The following NTM variants were observed in gnomAD, a reference collection of about 807,000 sequenced individuals.
NTM encodes the protein IgLON family member 2.
NTM carries 13 observed loss-of-function variants against 42.1 expected under a neutral mutation model. The observed-to-expected ratio is 0.31, with a 90% confidence interval of 0.20 to 0.49. NTM has a LOEUF of 0.49. NTM is among the 20% of genes least tolerant of loss of function. The pLI is 0.99. For missense variants in NTM, 373 were observed against 452.8 expected (o/e 0.82, Z 1.60); for synonymous variants, 187 against 179.2 (o/e 1.04, Z -0.35).
intron 1 of NTM, among the ~76,000 whole-genome samples, chr11:131,672,699 T>C (rs967493988): frequency 1.1e-4 from 16 of 152,208 alleles, no homozygotes; most frequent in African/African-American, 3.6e-4. Context: ...CTTAGGTATT[T>C]AGTACTCCTG....
chr11:131,622,592 G>C (rs1277130723), intron 1 of NTM, among the ~76,000 whole-genome samples: 1 of 152,170 alleles, frequency 6.6e-6, no homozygotes, highest in African/African-American at 2.4e-5. Context: ...TGTACACACA[G>C]AATATAAATT....
intron 2 of NTM, among the ~76,000 whole-genome samples, chr11:132,111,382 A>G (rs1321317264): frequency 6.6e-6 from 1 of 152,192 alleles, no homozygotes; most frequent in Non-Finnish European, 1.5e-5. Context: ...AAACAAAAAC[A>G]AAACAAGCCT....
At chr11:132,230,257 A>G (rs878518) in intron 4 of NTM, among the ~76,000 whole-genome samples, 72,885 of 151,816 alleles carry the variant, frequency 0.48, 17,834 homozygotes, top group Middle Eastern at 0.58. Flanking sequence ...AGCAGCAAAG[A>G]CTTCTCATTT....
rs1045578150 is a variant in NTM, at chr11:132,227,492, T to A, written c.526+15345T>A. Among the ~76,000 whole-genome samples, 131 of 152,028 alleles carry A rather than the reference T, an allele frequency of 8.6e-4. 1 individual carries two copies. Among genetic ancestry groups the A allele is most frequent in the African/African-American group, 3.1e-3 (127 of 41,470 alleles). The stretch of plus-strand genomic sequence containing the variant: ...GTTGGAGGAGAGTGTGAGTTCAGGA[T>A]TTTTTCCTCTAAAGTCCAATCTGCA... On this transcript the variant is annotated intron_variant, in intron 4 of 8. Coordinates refer to ENST00000683400, the MANE Select transcript of NTM (RefSeq NM_001352005.2).
rs1422750080 is a variant in NTM, at chr11:131,789,617, A to AAGG, written c.83-121945_83-121944insGAG. On this transcript the variant is annotated intron_variant, in intron 1 of 8. Coordinates refer to ENST00000683400, the MANE Select transcript of NTM (RefSeq NM_001352005.2). ...GAAGAAGAAGAAGAAGAAGAAGAAG[A>AAGG]AGAAGAAGAAGAAGAAGAAAAGAAG... Among the ~76,000 whole-genome samples, 30 of 83,100 alleles carry AAGG rather than the reference A, an allele frequency of 3.6e-4. 4 individuals carry two copies. The highest frequency in any genetic ancestry group is 6.5e-4 in the South Asian group (2 of 3,094). The allele number at this position is 83,100 out of a possible 152,430, so 54.5% of individuals were successfully genotyped here.
intron 2 of NTM, among the ~76,000 whole-genome samples, chr11:132,106,957 CT>C (rs146504192): frequency 0.012 from 1,816 of 152,122 alleles, 41 homozygotes; most frequent in African/African-American, 0.04. Flanking sequence ...TAGTGCCGGT[CT>C]TTGTGAAAGC....
At chr11:131,945,882 T>C (rs2060287552) in intron 2 of NTM, among the ~76,000 whole-genome samples, 1 of 152,216 alleles carries the variant, frequency 6.6e-6, no homozygotes. Flanking sequence ...AATCTCTTCC[T>C]GCCAGCGATA....
chr11:131,519,868 T>G (rs1345428666), intron 1 of NTM, among the ~76,000 whole-genome samples: 4 of 142,704 alleles, frequency 2.8e-5, no homozygotes, highest in Admixed American at 6.9e-5. Flanking sequence ...AGCTGTGGAG[T>G]TAGTTATGAC....
chr11:131,909,428 G>A (rs2054354396), intron 1 of NTM, among the ~76,000 whole-genome samples: 1 of 152,106 alleles, frequency 6.6e-6, no homozygotes, highest in Admixed American at 6.5e-5. Context: ...TGGCTTTTTG[G>A]AAGACCATTT....
intron 1 of NTM, among the ~76,000 whole-genome samples, chr11:131,619,038 G>A (rs1201280596): frequency 2.0e-5 from 3 of 152,260 alleles, no homozygotes; most frequent in East Asian, 1.9e-4. Flanking sequence ...AGAGGTATGC[G>A]AAAACAAACA....
At chr11:132,253,099 G>C (rs2092137366) in intron 4 of NTM, among the ~76,000 whole-genome samples, 1 of 152,130 alleles carries the variant, frequency 6.6e-6, no homozygotes, top group South Asian at 2.1e-4. Flanking sequence ...CAACAACAAT[G>C]TTTCTAGAAT....
chr11:131,872,774 G>A (rs532309733), intron 1 of NTM, among the ~76,000 whole-genome samples: 2 of 152,262 alleles, frequency 1.3e-5, no homozygotes, highest in South Asian at 2.1e-4. Flanking sequence ...ATCATACTGT[G>A]GGGTAATTAG....
At chr11:132,019,363 G>A (rs969925581) in intron 2 of NTM, among the ~76,000 whole-genome samples, 1 of 151,954 alleles carries the variant, frequency 6.6e-6, no homozygotes, top group Non-Finnish European at 1.5e-5. Context: ...TTGGTTGATA[G>A]TGTTGCTCAA....
chr11:132,305,637 A>G (rs531584939), intron 4 of NTM, among the ~76,000 whole-genome samples: 29 of 152,376 alleles, frequency 1.9e-4, no homozygotes, highest in African/African-American at 5.8e-4. Context: ...GATCTGACAA[A>G]TGTAAGCCCG....
chr11:131,501,089 A>G (rs1465236833), intron 1 of NTM, among the ~76,000 whole-genome samples: 1 of 151,894 alleles, frequency 6.6e-6, no homozygotes, highest in African/African-American at 2.4e-5. Flanking sequence ...CCAAATTCAG[A>G]TGGTCTGACT....
intron 1 of NTM, among the ~76,000 whole-genome samples, chr11:131,658,409 C>T (rs1311024560): frequency 6.6e-6 from 1 of 152,178 alleles, no homozygotes; most frequent in East Asian, 1.9e-4. Flanking sequence ...TTCCCACTGC[C>T]CCAGCCTCCC....
chr11:132,277,355 A>G lies in NTM; in HGVS notation c.527-30334A>G, dbSNP rs934130861. On this transcript the variant is annotated intron_variant, in intron 4 of 8. Coordinates refer to ENST00000683400, the MANE Select transcript of NTM (RefSeq NM_001352005.2). The stretch of plus-strand genomic sequence containing the variant: ...AGGTTGCTTCAAAACAGGAGATAAT[A>G]GCAAGGCATATATTGTGCTGGTACC... 3.9e-5 allele frequency among the ~76,000 whole-genome samples: 6 copies of G among 152,210 alleles called. 1 individual carries two copies. The South Asian group carries it at 1.2e-3, about 32-fold the overall frequency.
intron 4 of NTM, among the ~76,000 whole-genome samples, chr11:132,223,773 A>T (rs960484852): frequency 3.3e-5 from 5 of 152,248 alleles, no homozygotes; most frequent in Admixed American, 1.3e-4. Context: ...TTCGAGTCAG[A>T]AATGGCAGTC....
chr11:131,954,562 C>G lies in NTM; in HGVS notation c.167+42914C>G, dbSNP rs575544273. ...CCATCAGCGCCTCCCAGGGAACCTGCGTGTCTGATTGAAGTAATTTCACCC... is the reference window on the plus strand; with the variant it reads ...CCATCAGCGCCTCCCAGGGAACCTGGGTGTCTGATTGAAGTAATTTCACCC... On this transcript the variant is annotated intron_variant, in intron 2 of 8. Coordinates refer to ENST00000683400, the MANE Select transcript of NTM (RefSeq NM_001352005.2). 2.0e-5 allele frequency among the ~76,000 whole-genome samples: 3 copies of G among 152,312 alleles called. No individual in the cohort carries two copies. In the East Asian group the frequency reaches 5.8e-4, roughly 29 times the overall value.
Sources: allele counts gnomAD v4.1 joint callset (sites outside exome capture counted in the v4.1 genomes callset), GRCh38; gene constraint gnomAD v4.1.1; transcripts MANE v1.5; gene names NCBI Gene and HGNC (gene_info 2026-07-23, HGNC 2026-07-21).